Variants in PTPRN2 observed in about 807,000 individuals in gnomAD.
PTPRN2 encodes the protein protein tyrosine phosphatase receptor type N2, also known as receptor-type tyrosine-protein phosphatase N2.
PTPRN2 carries 74 observed loss-of-function variants against 118.8 expected under a neutral mutation model. The ratio of observed to expected loss-of-function variants is 0.62; its 90% CI spans 0.52 to 0.76. The LOEUF is 0.76. Ranked by LOEUF, PTPRN2 falls within the 30% of genes least tolerant of loss-of-function variation. The pLI is 0.00. For synonymous variants in PTPRN2, 641 were observed against 608.0 expected (o/e 1.05, Z -0.80); for missense variants, 1,481 against 1,394.4 (o/e 1.06, Z -0.99).
At position 158,378,478 on chromosome 7, in the gene PTPRN2, C is replaced by T. The variant is rs142973683; in HGVS notation, c.164-61546G>A. Among the ~76,000 whole-genome samples the T allele has an allele frequency of 7.1e-3, 1,088 of 152,304 alleles. 13 individuals carry two copies. Among genetic ancestry groups the T allele is most frequent in the African/African-American group, 0.024 (981 of 41,568 alleles). On this transcript the variant is annotated intron_variant, in intron 2 of 22. Transcript: ENST00000389418. ...CTCATGGTGACCACACGCCTGCATCCGAGGATGACTTCAGCCCCCTGTCCT... is the reference window on the plus strand; with the variant it reads ...CTCATGGTGACCACACGCCTGCATCTGAGGATGACTTCAGCCCCCTGTCCT...
At chr7:158,270,417 A>G (rs1384651293) in intron 3 of PTPRN2, among the ~76,000 whole-genome samples, 1 of 152,122 alleles carries the variant, frequency 6.6e-6, no homozygotes, top group Non-Finnish European at 1.5e-5. Flanking sequence ...GTGACTGGTC[A>G]ACAAGGTGCA....
intron 5 of PTPRN2, among the ~76,000 whole-genome samples, chr7:158,176,315 C>T (rs1203563406): frequency 6.6e-6 from 1 of 152,160 alleles, no homozygotes; most frequent in Non-Finnish European, 1.5e-5. Context: ...GAGTGCTACA[C>T]CAGGCTGTTT....
intron 14 of PTPRN2, among the ~76,000 whole-genome samples, chr7:157,637,093 T>C (rs1804366405): frequency 6.6e-6 from 1 of 152,228 alleles, no homozygotes; most frequent in Admixed American, 6.5e-5. Context: ...TATAAATCAA[T>C]ACACATTCCT....
intron 10 of PTPRN2, among the ~76,000 whole-genome samples, chr7:158,101,381 C>T (rs1295240809): frequency 6.6e-6 from 1 of 152,180 alleles, no homozygotes; most frequent in Non-Finnish European, 1.5e-5. Context: ...CAAGATGGAT[C>T]AAGGACTTAA....
intron 2 of PTPRN2, among the ~76,000 whole-genome samples, chr7:158,469,898 G>A (rs1819721603): frequency 6.6e-6 from 1 of 151,962 alleles, no homozygotes; most frequent in Admixed American, 6.6e-5. Flanking sequence ...ATTGGGAGCT[G>A]GGATTTGTCC....
chr7:157,650,594 G>A (rs891332894), intron 14 of PTPRN2, among the ~76,000 whole-genome samples: 7 of 152,336 alleles, frequency 4.6e-5, no homozygotes, highest in African/African-American at 7.2e-5. Context: ...TGAAATTCTC[G>A]GTGGCCCAGT....
chr7:158,102,871 C>A (rs975859889), intron 10 of PTPRN2, among the ~76,000 whole-genome samples: 1 of 152,104 alleles, frequency 6.6e-6, no homozygotes, highest in Non-Finnish European at 1.5e-5. Context: ...CTGGGGGCCA[C>A]GGTGCAGGGA....
intron 1 of PTPRN2, among the ~76,000 whole-genome samples, chr7:158,568,168 G>A (rs889065029): frequency 3.3e-5 from 5 of 152,092 alleles, no homozygotes; most frequent in African/African-American, 7.2e-5. Context: ...CAGGAGAATC[G>A]CTTGAGCCCT....
chr7:157,555,894 C>T (rs1256514608), intron 21 of PTPRN2, among the ~76,000 whole-genome samples: 1 of 152,218 alleles, frequency 6.6e-6, no homozygotes, highest in African/African-American at 2.4e-5. Flanking sequence ...TCCCGTGCCC[C>T]AGGAGCGCAG....
chr7:157,651,557 G>A (rs576780434), intron 14 of PTPRN2, among the ~76,000 whole-genome samples: 4 of 152,260 alleles, frequency 2.6e-5, no homozygotes, highest in African/African-American at 7.2e-5. Context: ...CGACTCAGGC[G>A]TAATTAGTCA....
At chr7:158,405,511 C>T (rs1813335110) in intron 2 of PTPRN2, among the ~76,000 whole-genome samples, 1 of 152,216 alleles carries the variant, frequency 6.6e-6, no homozygotes, top group Non-Finnish European at 1.5e-5. Flanking sequence ...ACCGTCTCTC[C>T]TCCACACTGG....
intron 12 of PTPRN2, among the ~76,000 whole-genome samples, chr7:157,884,793 C>T (rs1247393344): frequency 2.0e-5 from 3 of 152,214 alleles, no homozygotes; most frequent in Admixed American, 6.5e-5. Context: ...CAATGACCTC[C>T]CACCAGTTCC....
intron 5 of PTPRN2, among the ~76,000 whole-genome samples, chr7:158,191,054 G>A (rs1299549565): frequency 6.6e-6 from 1 of 152,266 alleles, no homozygotes; most frequent in Non-Finnish European, 1.5e-5. Flanking sequence ...TCACCCTGTG[G>A]TTCCCACGCT....
intron 9 of PTPRN2, among the ~76,000 whole-genome samples, chr7:158,124,716 C>T (rs907486970): frequency 4.6e-5 from 7 of 152,232 alleles, no homozygotes; most frequent in African/African-American, 1.4e-4. Flanking sequence ...GCCCAGCTGC[C>T]GGGGCGGAGG....
intron 12 of PTPRN2, among the ~76,000 whole-genome samples, chr7:157,877,323 C>T (rs1795835489): frequency 6.6e-6 from 1 of 150,936 alleles, no homozygotes; most frequent in South Asian, 2.1e-4. Flanking sequence ...GGTCCGAGTG[C>T]AGCACCAGGG....
In PTPRN2 at chr7:158,133,993, C is replaced by T. The variant is rs903720481; in HGVS notation, c.1240G>A (p.Ala414Thr). Residue 414 changes from alanine (A) to threonine (T), a missense_variant, in exon 9 of 23, where the codon GCC becomes ACC. Physicochemically the swap from Ala to Thr is moderately conservative, Grantham distance 58. This residue lies in a region of PTPRN2 where 1,115 missense variants were observed against 994.2 expected (regional missense o/e 1.12). Transcript: ENST00000389418. ...QDHGSRLLPG[A>T]LPFARPLDME... Reference sequence around the variant, plus strand: ...TCGAGGGGCCTTGCAAAGGGGAGGGCTCCAGGTAAGAGTCGAGACCCGTGG... The same window carrying T: ...TCGAGGGGCCTTGCAAAGGGGAGGGTTCCAGGTAAGAGTCGAGACCCGTGG... The T allele has an allele frequency of 1.2e-5, 19 of 1,613,888 alleles. No homozygotes were observed. The African/African-American group carries it at 2.1e-4, about 18-fold the overall frequency.
chr7:157,679,746 G>A (rs2150802402), intron 13 of PTPRN2, among the ~76,000 whole-genome samples: 1 of 152,284 alleles, frequency 6.6e-6, no homozygotes, highest in East Asian at 1.9e-4. Context: ...CTAATGATGT[G>A]CGTGCATTAT....
At chr7:157,749,339 C>A (rs949514917) in intron 12 of PTPRN2, among the ~76,000 whole-genome samples, 10 of 110,730 alleles carry the variant, frequency 9.0e-5, no homozygotes, top group African/African-American at 3.4e-4. Context: ...CTGAGGCCTG[C>A]GTCCCTGAGC....
intron 6 of PTPRN2, among the ~76,000 whole-genome samples, chr7:158,144,793 A>T (rs73173613): frequency 0.1 from 15,878 of 152,198 alleles, 922 homozygotes; most frequent in African/African-American, 0.16. Context: ...GTCAACACTG[A>T]TGAGTCCTGC....
Sources: allele counts gnomAD v4.1 joint callset (sites outside exome capture counted in the v4.1 genomes callset), GRCh38; gene constraint gnomAD v4.1.1; regional missense constraint gnomAD v4.1.1; transcripts MANE v1.5; gene names NCBI Gene and HGNC (gene_info 2026-07-23, HGNC 2026-07-21).